The following ZNF514 variants were observed in gnomAD, a reference collection of about 807,000 sequenced individuals.
ZNF514 encodes the protein zinc finger protein 514.
In ZNF514, 12 loss-of-function variants were observed where a neutral mutation model predicts 9.7. The observed-to-expected ratio is 1.24, with a 90% confidence interval of 0.79 to 2.01. ZNF514 has a LOEUF of 2.01. ZNF514 is among the 30% of genes most tolerant of loss of function. The pLI is 0.00. For missense variants in ZNF514, 467 were observed against 465.5 expected, an observed-to-expected ratio of 1.00 and a Z score of -0.03; for synonymous variants, 158 against 163.7, an observed-to-expected ratio of 0.97 and a Z score of 0.27.
At chr2:95,134,167 A>C in the ZNF514 span, among the ~76,000 whole-genome samples, 3 of 152,284 alleles carry the variant, frequency 2.0e-5, no homozygotes, top group South Asian at 6.2e-4. Context: ...CCTCTCAAAA[A>C]TCATAAACTT....
chr2:95,158,962 A>G, intron 1 of ZNF514: 1 of 1,289,194 alleles, frequency 7.8e-7, no homozygotes. Context: ...TCCAGAGCCA[A>G]ACCTGATGCT....
At chr2:95,131,920 A>G in the ZNF514 span, among the ~76,000 whole-genome samples, 4 of 152,102 alleles carry the variant, frequency 2.6e-5, no homozygotes, top group African/African-American at 9.7e-5. Flanking sequence ...AGGAGGGTGG[A>G]TCGCTTACGG....
At position 95,152,767 on chromosome 2, in the gene ZNF514, G is replaced by T. The variant is rs1558702021; in HGVS notation, c.124C>A (p.Leu42Ile). 1.9e-6 allele frequency: 3 copies of T among 1,613,988 alleles called. No homozygotes were observed. The highest frequency in any genetic ancestry group is 2.5e-6 in the Non-Finnish European group (3 of 1,179,886). Residue 42 changes from leucine to isoleucine, a missense_variant and splice_region_variant, in exon 4 of 5, where the codon CTT becomes ATT. Coordinates refer to ENST00000295208, the MANE Select transcript of ZNF514 (RefSeq NM_032788.3). The stretch of plus-strand genomic sequence containing the variant: ...ATCACATATGGTTTGGATACTAGAA[G>T]GCCTGATGGTAGAGAAGGAAAAGGA... The part of the protein sequence containing the change: ...ENFRNLAILG[L>I]LVSKPYVICQ...
downstream of ZNF514, among the ~76,000 whole-genome samples, chr2:95,141,507 C>T (rs2104455078): frequency 6.6e-6 from 1 of 152,256 alleles, no homozygotes; most frequent in Admixed American, 6.5e-5. Context: ...CTATACTCTA[C>T]CATGCTGTAT....
chr2:95,150,207 T>G lies in ZNF514; in HGVS notation c.278A>C (p.Glu93Ala). The change falls in exon 5 of 5, where the codon GAA becomes GCA. Residue 93 changes from glutamate to alanine, a missense_variant. Physicochemically the swap from Glu to Ala is moderately radical, Grantham distance 107 (BLOSUM62 -1). Transcript: ENST00000295208. ...SMPSWGISKE[E>A]LFQVVSVEKH... ...TTCCACTGATACTACCTGGAATAATTCTTCTTTGGAAATTCCCCAACTTGG... is the reference window on the plus strand; with the variant it reads ...TTCCACTGATACTACCTGGAATAATGCTTCTTTGGAAATTCCCCAACTTGG... 4 of 1,605,346 alleles carry G rather than the reference T, an allele frequency of 2.5e-6. No individual in the cohort carries two copies. The highest frequency in any genetic ancestry group is 3.4e-6 in the Non-Finnish European group (4 of 1,178,468).
the ZNF514 span, among the ~76,000 whole-genome samples, chr2:95,135,500 C>A: frequency 6.6e-6 from 1 of 151,030 alleles, no homozygotes; most frequent in African/African-American, 2.4e-5. Flanking sequence ...TGGCTCACTG[C>A]AGGCTCAACC....
the ZNF514 span, among the ~76,000 whole-genome samples, chr2:95,128,568 AAAG>A: frequency 6.6e-6 from 1 of 152,000 alleles, no homozygotes; most frequent in Non-Finnish European, 1.5e-5. Context: ...GAAAAAGAAG[AAAG>A]AAGAAGGAAG....
Position 95,149,868 on chromosome 2 carries a change from C to A in ZNF514, c.617G>T (p.Cys206Phe), listed in dbSNP as rs566835696. 1.2e-6 allele frequency: 2 copies of A among 1,613,754 alleles called. No homozygotes were observed. Among genetic ancestry groups the A allele is most frequent in the Non-Finnish European group, 1.7e-6 (2 of 1,180,020 alleles). The part of the protein sequence containing the change: ...RTHPEKKSCK[C>F]NECGKSFHFQ... ...GTGAAAGGACTTCCCACACTCATTA[C>A]ATTTACAAGATTTCTTTTCTGGGTG... is the stretch of plus-strand genomic sequence containing the variant. The change falls in exon 5 of 5, where the codon TGT becomes TTT. Residue 206 changes from cysteine (C) to phenylalanine (F), a missense_variant. Coordinates refer to ENST00000295208, the MANE Select transcript of ZNF514 (RefSeq NM_032788.3).
At chr2:95,154,183 G>A (rs894414917) in intron 2 of ZNF514, 22 of 152,244 alleles carry the variant, frequency 1.4e-4, no homozygotes, top group African/African-American at 5.1e-4. Flanking sequence ...CGAGCTACAG[G>A]TGAGCAAAAG....
the ZNF514 span, among the ~76,000 whole-genome samples, chr2:95,125,280 G>A: frequency 3.5e-5 from 5 of 142,142 alleles, no homozygotes; most frequent in African/African-American, 8.0e-5. Context: ...TCGCTCTGTC[G>A]CCCAGGCTGG....
intron 2 of ZNF514, among the ~76,000 whole-genome samples, chr2:95,156,285 T>C (rs1673684161): frequency 6.6e-6 from 1 of 152,158 alleles, no homozygotes; most frequent in African/African-American, 2.4e-5. Flanking sequence ...TCCAGCTCAC[T>C]AGAGACAAAC....
intron 1 of ZNF514, 117 bp from the exon 2 acceptor site, chr2:95,157,556 C>A: frequency 4.3e-6 from 2 of 470,454 alleles, no homozygotes; most frequent in Non-Finnish European, 3.8e-6. Context: ...GTTCTGAGGA[C>A]ACCAGTGGAT....
At chr2:95,133,935 C>T in the ZNF514 span, among the ~76,000 whole-genome samples, 1 of 152,006 alleles carries the variant, frequency 6.6e-6, no homozygotes, top group African/African-American at 2.4e-5. Flanking sequence ...AAAGTGTTAC[C>T]ATTAGGAAAA....
chr2:95,138,886 G>A, the ZNF514 span, among the ~76,000 whole-genome samples: 1 of 152,214 alleles, frequency 6.6e-6, no homozygotes, highest in Admixed American at 6.5e-5. Context: ...CACAGGCCCT[G>A]AGGCCTAGGA....
At chr2:95,152,330 CCTCA>C (rs1243708448) in intron 4 of ZNF514, among the ~76,000 whole-genome samples, 5 of 151,778 alleles carry the variant, frequency 3.3e-5, no homozygotes, top group African/African-American at 1.2e-4. Flanking sequence ...TTGTTTGATC[CCTCA>C]CTAACTCCCT....
At chr2:95,156,500 C>G (rs1416649956) in intron 2 of ZNF514, among the ~76,000 whole-genome samples, 1 of 152,162 alleles carries the variant, frequency 6.6e-6, no homozygotes, top group Non-Finnish European at 1.5e-5. Flanking sequence ...GAACAAGTTA[C>G]TTTCTCTCTC....
the ZNF514 span, among the ~76,000 whole-genome samples, chr2:95,134,737 C>G: frequency 4.6e-5 from 7 of 152,168 alleles, no homozygotes; most frequent in African/African-American, 7.2e-5. Flanking sequence ...AAGAGTTTTA[C>G]CATTTTAGCT....
chr2:95,136,586 A>G, the ZNF514 span, among the ~76,000 whole-genome samples: 2 of 150,936 alleles, frequency 1.3e-5, no homozygotes, highest in East Asian at 2.0e-4. Flanking sequence ...TCACCACTGC[A>G]GCACTCTGAA....
rs1165792428 is a variant in ZNF514 at position 95,146,718 on chromosome 2, G to A, written c.*2564C>T. Among the ~76,000 whole-genome samples, 1 of 151,544 alleles carries A rather than the reference G, an allele frequency of 6.6e-6. No homozygotes were observed. Among genetic ancestry groups the A allele is most frequent in the Non-Finnish European group, 1.5e-5 (1 of 67,934 alleles). The stretch of plus-strand genomic sequence containing the variant: ...TGGTTAATATGGCAAGGATACATGA[G>A]AAGAGGAGACAGATTTTGGACGAAG... On this transcript the variant is annotated 3_prime_UTR_variant, in exon 5 of 5. Coordinates refer to ENST00000295208, the MANE Select transcript of ZNF514 (RefSeq NM_032788.3).
Sources: allele counts gnomAD v4.1 joint callset (sites outside exome capture counted in the v4.1 genomes callset), GRCh38; gene constraint gnomAD v4.1.1; transcripts MANE v1.5; gene names NCBI Gene and HGNC (gene_info 2026-07-23, HGNC 2026-07-21).